The following ZNF185 variants were observed in gnomAD, a reference collection of about 807,000 sequenced individuals.
The protein encoded by ZNF185 is zinc finger protein 185.
In ZNF185, 56 loss-of-function variants were observed where a neutral mutation model predicts 58.6. The ratio of observed to expected loss-of-function variants is 0.95; its 90% CI spans 0.77 to 1.19. The LOEUF is 1.19. Among genes scored for constraint, ZNF185 ranks in the 50% most tolerant of loss-of-function variants. The pLI is 0.00. For missense variants in ZNF185, 627 were observed against 573.5 expected (o/e 1.09, Z -0.95); for synonymous variants, 230 against 215.9 (o/e 1.07, Z -0.57).
intron 16 of ZNF185, among the ~76,000 whole-genome samples, chrX:152,947,352 C>T (rs1237388587): frequency 9.0e-6 from 1 of 111,374 alleles, no homozygotes; most frequent in Non-Finnish European, 1.9e-5. Flanking sequence ...CACTGTACTC[C>T]AGCCTGGGTA....
intron 15 of ZNF185, among the ~76,000 whole-genome samples, chrX:152,943,686 C>T (rs1469952907): frequency 1.8e-5 from 2 of 112,974 alleles, no homozygotes; most frequent in East Asian, 5.5e-4. Context: ...ATCCATTTGT[C>T]CCTGTGTCAC....
At chrX:152,935,463 C>A (rs1413725473) in intron 14 of ZNF185, among the ~76,000 whole-genome samples, 1 of 108,618 alleles carries the variant, frequency 9.2e-6, no homozygotes, top group Non-Finnish European at 1.9e-5. Flanking sequence ...GTCTCGATCT[C>A]CTGAACTCGT....
At chrX:152,965,136 G>A (rs2049974990) in intron 18 of ZNF185, among the ~76,000 whole-genome samples, 1 of 112,235 alleles carries the variant, frequency 8.9e-6, no homozygotes, top group Non-Finnish European at 1.9e-5. Context: ...CTGAAGTGTA[G>A]AAGTATAGAA....
rs782194205 is a variant in ZNF185 at position 152,967,213 on chromosome X, T to C, written c.1846T>C (p.Cys616Arg). 4.1e-6 allele frequency: 5 copies of C among 1,211,662 alleles called. No individual in the cohort carries two copies. In the South Asian group the frequency reaches 7.0e-5, roughly 17 times the overall value. Residue 616 changes from cysteine to arginine, a missense_variant, in exon 20 of 23, where the codon TGT (cysteine) becomes CGT (arginine). Transcript: ENST00000449285. Reference sequence around the variant, plus strand: ...ATTCGCCATGGAGAAGAAGCCTCCATGTGGCAGCACTCCATACTCTGAGAG... The same window carrying C: ...ATTCGCCATGGAGAAGAAGCCTCCACGTGGCAGCACTCCATACTCTGAGAG...
At chrX:152,950,022 A>G (rs1452002875) in intron 16 of ZNF185, among the ~76,000 whole-genome samples, 5 of 111,820 alleles carry the variant, frequency 4.5e-5, no homozygotes, top group Non-Finnish European at 9.4e-5. Flanking sequence ...TGTTTCCATC[A>G]TTTCAGACGA....
chrX:152,903,277 C>T, the ZNF185 span, among the ~76,000 whole-genome samples: 1 of 105,157 alleles, frequency 9.5e-6, no homozygotes, highest in South Asian at 4.4e-4. Flanking sequence ...TAATCCCGGC[C>T]ACTAGGGAGG....
At chrX:152,901,934 C>T in the ZNF185 span, among the ~76,000 whole-genome samples, 1 of 111,952 alleles carries the variant, frequency 8.9e-6, no homozygotes, top group South Asian at 3.8e-4. Context: ...AATTTGACTG[C>T]CGAAGGGTCC....
At chrX:152,920,111 C>G (rs1939391966) in intron 7 of ZNF185, among the ~76,000 whole-genome samples, 1 of 113,415 alleles carries the variant, frequency 8.8e-6, no homozygotes. Flanking sequence ...TGGCGCAGAG[C>G]CGGGCACATG....
intron 16 of ZNF185, among the ~76,000 whole-genome samples, chrX:152,954,932 T>C (rs1025546814): frequency 1.2e-4 from 13 of 110,121 alleles, no homozygotes; most frequent in Non-Finnish European, 2.5e-4. Flanking sequence ...CCAGTGCAGC[T>C]ACATGGTGGA....
intron 16 of ZNF185, among the ~76,000 whole-genome samples, chrX:152,951,584 A>G (rs1054225979): frequency 9.0e-6 from 1 of 111,663 alleles, no homozygotes; most frequent in Admixed American, 9.6e-5. Flanking sequence ...ATATATACAC[A>G]CACACTTATT....
chrX:152,949,666 A>G, intron 16 of ZNF185, among the ~76,000 whole-genome samples: 1 of 111,963 alleles, frequency 8.9e-6, no homozygotes, highest in South Asian at 3.7e-4. Context: ...GTGCTCTCCT[A>G]GTGGATAACT....
At chrX:152,936,562 G>A in intron 14 of ZNF185, 49 bp downstream of exon 16, 1 of 1,071,471 alleles carries the variant, frequency 9.3e-7, no homozygotes, top group East Asian at 3.3e-5. Flanking sequence ...GCCAGACACA[G>A]CCTTTGGGGC....
Position 152,922,701 on chromosome X carries a change from C to T in ZNF185, c.741-19C>T. 8.4e-7 allele frequency: 1 copy of T among 1,187,180 alleles called. No individual in the cohort carries two copies. The highest frequency in any genetic ancestry group is 1.1e-6 in the Non-Finnish European group (1 of 881,848). On this transcript the variant is annotated intron_variant, in intron 10 of 22. Coordinates refer to ENST00000449285, the Ensembl canonical transcript of ZNF185. Reference sequence around the variant, plus strand: ...GCTCTGACATCTCCAGAGCCTCTCACAGCCACCTTCTTTGCCAGTGCGGAT... The same window carrying T: ...GCTCTGACATCTCCAGAGCCTCTCATAGCCACCTTCTTTGCCAGTGCGGAT...
upstream of ZNF185, among the ~76,000 whole-genome samples, chrX:152,912,054 C>T (rs1257905275): frequency 6.0e-5 from 6 of 99,576 alleles, no homozygotes; most frequent in African/African-American, 2.2e-4. Flanking sequence ...ACACTCATCA[C>T]TTTAAAGGCT....
chrX:152,922,121 G>A, intron 9 of ZNF185, 52 bp from the exon 11 acceptor site: 1 of 1,139,544 alleles, frequency 8.8e-7, no homozygotes, highest in Non-Finnish European at 1.2e-6. Flanking sequence ...AGGCCTCCAA[G>A]CTCTAGGGCA....
chrX:152,924,833 C>T lies in ZNF185; in HGVS notation c.830+2024C>T, dbSNP rs191981436. Among the ~76,000 whole-genome samples the T allele has an allele frequency of 1.2e-3, 133 of 111,884 alleles. 1 individual carries two copies. The highest frequency in any genetic ancestry group is 3.8e-3 in the Admixed American group (40 of 10,657). On this transcript the variant is annotated intron_variant, in intron 11 of 22. Transcript: ENST00000449285. Reference sequence around the variant, plus strand: ...CCGAGTAGCTGGGATTACAGGTGCACGCGACCACGCCCGGCTAATTTTTGT... The same window carrying T: ...CCGAGTAGCTGGGATTACAGGTGCATGCGACCACGCCCGGCTAATTTTTGT...
rs781803219 is a variant in ZNF185 at position 152,928,247 on chromosome X, T to G, written c.831-328T>G. 2.7e-5 allele frequency among the ~76,000 whole-genome samples: 3 copies of G among 112,497 alleles called. No homozygotes were observed. The South Asian group carries it at 1.1e-3, about 41-fold the overall frequency. On this transcript the variant is annotated intron_variant, in intron 11 of 22. Transcript: ENST00000449285. ...ACCCCTGGCCTCACAAATGGCCACT[T>G]TGGATACCCTGGTGGGGTCACAGGC... is the stretch of plus-strand genomic sequence containing the variant.
intron 15 of ZNF185, 103 bp downstream of exon 17, chrX:152,938,266 G>A: frequency 1.2e-6 from 1 of 824,296 alleles, no homozygotes; most frequent in Non-Finnish European, 1.7e-6. Flanking sequence ...AGCAAGGTTT[G>A]TGAGCTGGCC....
chrX:152,925,645 G>A, intron 11 of ZNF185, among the ~76,000 whole-genome samples: 1 of 111,561 alleles, frequency 9.0e-6, no homozygotes, highest in Non-Finnish European at 1.9e-5. Context: ...CGTCTTCTCT[G>A]ACCCTACCAC....
Sources: gnomAD v4.1 joint callset for allele counts (sites outside exome capture counted in the v4.1 genomes callset) on GRCh38, gnomAD v4.1.1 for gene constraint, MANE v1.5 for transcripts, NCBI Gene and HGNC (gene_info 2026-07-23, HGNC 2026-07-21) for gene names.